Variants in CEP112 observed in about 807,000 individuals in gnomAD.
CEP112 encodes centrosomal protein of 112 kDa.
In CEP112, 127 loss-of-function variants were observed where a neutral mutation model predicts 153.0. The ratio of observed to expected loss-of-function variants is 0.83; its 90% CI spans 0.72 to 0.96. CEP112 has a LOEUF of 0.96. Among genes scored for constraint, CEP112 ranks in the 40% least tolerant of loss-of-function variants. The pLI, the probability that CEP112 is intolerant of heterozygous loss-of-function variation, is 0.00. For synonymous variants in CEP112, 358 were observed against 374.4 expected, an observed-to-expected ratio of 0.96 and a Z score of 0.51; for missense variants, 1,089 against 1,101.2, an observed-to-expected ratio of 0.99 and a Z score of 0.16.
At chr17:65,851,383 T>C (rs533160291) in intron 21 of CEP112, among the ~76,000 whole-genome samples, 1 of 152,226 alleles carries the variant, frequency 6.6e-6, no homozygotes, top group Non-Finnish European at 1.5e-5. Flanking sequence ...TCATCATTTA[T>C]GTGACACTGT....
intron 21 of CEP112, among the ~76,000 whole-genome samples, chr17:65,769,887 G>C (rs1439715800): frequency 6.6e-6 from 1 of 151,882 alleles, no homozygotes; most frequent in Non-Finnish European, 1.5e-5. Context: ...CAACTTCCAA[G>C]CACCTTACAT....
At chr17:65,733,567 G>T (rs191703389) in intron 23 of CEP112, among the ~76,000 whole-genome samples, 1 of 152,240 alleles carries the variant, frequency 6.6e-6, no homozygotes, top group African/African-American at 2.4e-5. Flanking sequence ...TATTTTTTTA[G>T]AATCTGCATA....
At chr17:66,050,854 C>A (rs2066409223) in intron 12 of CEP112, among the ~76,000 whole-genome samples, 1 of 152,110 alleles carries the variant, frequency 6.6e-6, no homozygotes, top group Non-Finnish European at 1.5e-5. Flanking sequence ...ATTGCCTTTC[C>A]AACTCCAAAA....
chr17:65,974,096 A>G (rs2062945859), intron 17 of CEP112, among the ~76,000 whole-genome samples: 1 of 151,472 alleles, frequency 6.6e-6, no homozygotes, highest in Non-Finnish European at 1.5e-5. Context: ...TTTTTTTTTA[A>G]GACAGGGTCT....
intron 8 of CEP112, among the ~76,000 whole-genome samples, chr17:66,088,259 G>C (rs1399080728): frequency 1.3e-5 from 2 of 151,640 alleles, no homozygotes; most frequent in East Asian, 3.9e-4. Context: ...GCCTAATTTG[G>C]CACAATGCAA....
chr17:65,990,514 C>G (rs1326306121), intron 17 of CEP112, among the ~76,000 whole-genome samples: 1 of 152,210 alleles, frequency 6.6e-6, no homozygotes, highest in Non-Finnish European at 1.5e-5. Flanking sequence ...GAACTTAGTG[C>G]TGCTCTGTCA....
At chr17:66,064,891 T>C (rs2067056651) in intron 10 of CEP112, among the ~76,000 whole-genome samples, 1 of 152,214 alleles carries the variant, frequency 6.6e-6, no homozygotes, top group Admixed American at 6.5e-5. Context: ...TTATAATTGC[T>C]TTTACCAACA....
intron 23 of CEP112, among the ~76,000 whole-genome samples, chr17:65,721,774 C>A (rs1307509698): frequency 6.6e-6 from 1 of 152,042 alleles, no homozygotes; most frequent in Non-Finnish European, 1.5e-5. Flanking sequence ...TAAAAAGATG[C>A]CTTTTCAAAT....
intron 24 of CEP112, among the ~76,000 whole-genome samples, chr17:65,681,902 A>C (rs1300253748): frequency 6.6e-6 from 1 of 151,116 alleles, no homozygotes; most frequent in Non-Finnish European, 1.5e-5. Context: ...CTGGTCTGGA[A>C]CTCCTGGGCT....
chr17:65,987,153 G>A (rs185481485), intron 17 of CEP112, among the ~76,000 whole-genome samples: 9 of 152,184 alleles, frequency 5.9e-5, no homozygotes, highest in Non-Finnish European at 8.8e-5. Context: ...ATGAGGAATC[G>A]TAAAGAAGAC....
At chr17:65,964,515 C>T (rs1453074903) in intron 17 of CEP112, among the ~76,000 whole-genome samples, 1 of 152,156 alleles carries the variant, frequency 6.6e-6, no homozygotes, top group African/African-American at 2.4e-5. Flanking sequence ...TATCTAAATA[C>T]TAAAACAGCA....
chr17:65,760,834 C>T (rs2052569172), intron 21 of CEP112, among the ~76,000 whole-genome samples: 1 of 151,946 alleles, frequency 6.6e-6, no homozygotes, highest in African/African-American at 2.4e-5. Context: ...TAATTTCTTC[C>T]TTAAAAGTTT....
intron 24 of CEP112, among the ~76,000 whole-genome samples, chr17:65,675,845 A>G (rs2047207946): frequency 6.6e-6 from 1 of 152,098 alleles, no homozygotes; most frequent in Non-Finnish European, 1.5e-5. Flanking sequence ...TGAATAAGAA[A>G]CAAAATTCAT....
At chr17:66,013,806 C>T (rs887882549) in intron 16 of CEP112, among the ~76,000 whole-genome samples, 7 of 152,064 alleles carry the variant, frequency 4.6e-5, no homozygotes, top group Non-Finnish European at 8.8e-5. Flanking sequence ...TGCGCATTCA[C>T]AGTGGCAGCA....
At chr17:66,135,658 C>T (rs2070400663) in intron 4 of CEP112, among the ~76,000 whole-genome samples, 1 of 152,130 alleles carries the variant, frequency 6.6e-6, no homozygotes, top group South Asian at 2.1e-4. Context: ...CCCTGACATG[C>T]CCTTTACTAC....
At chr17:65,917,979 C>T (rs972073937) in intron 19 of CEP112, among the ~76,000 whole-genome samples, 3 of 152,050 alleles carry the variant, frequency 2.0e-5, no homozygotes, top group African/African-American at 7.2e-5. Flanking sequence ...GAGTTCAAGA[C>T]CAGTCTGGGC....
chr17:65,776,011 G>A (rs1043170721), intron 21 of CEP112, among the ~76,000 whole-genome samples: 5 of 152,302 alleles, frequency 3.3e-5, no homozygotes, highest in African/African-American at 1.2e-4. Flanking sequence ...CCCTGACTTC[G>A]AAAAGCCAGC....
At chr17:65,738,069 T>G (rs1030816035) in intron 23 of CEP112, among the ~76,000 whole-genome samples, 1 of 152,134 alleles carries the variant, frequency 6.6e-6, no homozygotes, top group Non-Finnish European at 1.5e-5. Context: ...CATTCAATCA[T>G]ACAGGTTAGC....
At chr17:66,033,131 A>C (rs573773167) in intron 12 of CEP112, among the ~76,000 whole-genome samples, 1 of 152,344 alleles carries the variant, frequency 6.6e-6, no homozygotes, top group African/African-American at 2.4e-5. Flanking sequence ...CATTATGAGC[A>C]AGTAAAAACT....
Sources: allele counts gnomAD v4.1 joint callset (sites outside exome capture counted in the v4.1 genomes callset), GRCh38; gene constraint gnomAD v4.1.1; transcripts MANE v1.5; gene names NCBI Gene and HGNC (gene_info 2026-07-23, HGNC 2026-07-21).